The following CNBD1 variants were observed in gnomAD, a reference collection of about 807,000 sequenced individuals.
The protein encoded by CNBD1 is cyclic nucleotide-binding domain-containing protein 1.
A neutral mutation model predicts 54.4 loss-of-function variants in CNBD1; 71 were observed. That is an observed-to-expected ratio of 1.30 (90% CI 1.08 to 1.59). The LOEUF is 1.59. Among genes scored for constraint, CNBD1 ranks in the 40% most tolerant of loss-of-function variants. CNBD1 has a pLI of 0.00. For missense variants in CNBD1, 659 were observed against 518.0 expected (o/e 1.27, Z -2.64); for synonymous variants, 182 against 170.7 (o/e 1.07, Z -0.51).
intron 4 of CNBD1, among the ~76,000 whole-genome samples, chr8:87,064,588 G>T (rs1178690469): frequency 6.6e-6 from 1 of 151,500 alleles, no homozygotes; most frequent in Non-Finnish European, 1.5e-5. Context: ...TTTGACCTTT[G>T]TTTCTAGTCA....
chr8:87,348,642 T>C (rs1563563873), intron 8 of CNBD1, among the ~76,000 whole-genome samples: 1 of 152,184 alleles, frequency 6.6e-6, no homozygotes, highest in Non-Finnish European at 1.5e-5. Context: ...TGTTTTGGTA[T>C]GTTAGACTAG....
intron 3 of CNBD1, among the ~76,000 whole-genome samples, chr8:86,917,849 T>C (rs1809212063): frequency 6.6e-6 from 1 of 152,162 alleles, no homozygotes; most frequent in Non-Finnish European, 1.5e-5. Flanking sequence ...CAGAAAATTG[T>C]TAAAACAGCC....
At chr8:86,904,054 T>G (rs950505273) in intron 2 of CNBD1, among the ~76,000 whole-genome samples, 5 of 152,026 alleles carry the variant, frequency 3.3e-5, no homozygotes, top group African/African-American at 4.8e-5. Context: ...TCTATAGAAT[T>G]TGTCTTGTGT....
chr8:87,262,735 T>G (rs1808168419), intron 6 of CNBD1, among the ~76,000 whole-genome samples: 1 of 152,166 alleles, frequency 6.6e-6, no homozygotes, highest in African/African-American at 2.4e-5. Context: ...TATGAAAATT[T>G]ACCGCTTAGG....
intron 8 of CNBD1, among the ~76,000 whole-genome samples, chr8:87,341,297 A>G (rs112676533): frequency 0.02 from 3,074 of 152,152 alleles, 100 homozygotes; most frequent in African/African-American, 0.067. Context: ...GCTGGGTCTC[A>G]TCAGTGCTCT....
chr8:86,970,787 T>C (rs985618330), intron 4 of CNBD1, among the ~76,000 whole-genome samples: 1 of 152,228 alleles, frequency 6.6e-6, no homozygotes, highest in African/African-American at 2.4e-5. Context: ...GGACATGGTT[T>C]CATTCTTTTT....
Position 87,271,780 on chromosome 8 carries a change from AGT to A in CNBD1, c.772-12897_772-12896del, listed in dbSNP as rs1488311297. ...GTATTTACCTAAAAGAAAATAAATT[AGT>A]ATATCAAAGGGATATCCACACTCCT... On this transcript the variant is annotated intron_variant, in intron 6 of 10. Transcript: ENST00000518476. 8.2e-3 allele frequency among the ~76,000 whole-genome samples: 1,242 copies of A among 152,128 alleles called. 29 individuals are homozygous for A. Among genetic ancestry groups the A allele is most frequent in the African/African-American group, 0.028 (1,172 of 41,536 alleles).
At chr8:86,969,780 T>TTA (rs532815249) in intron 4 of CNBD1, among the ~76,000 whole-genome samples, 6,858 of 145,222 alleles carry the variant, frequency 0.047, 207 homozygotes, top group African/African-American at 0.076. Flanking sequence ...GACTAGTGTT[T>TTA]TATATATATA....
rs908632390 is a variant in CNBD1, at chr8:87,166,287, A to G, written c.432-39706A>G. ...GTAAGTCTTTTCAGGTCCATCTCCA[A>G]TATATATCTTGGATCTGTCTGCTTG... is the stretch of plus-strand genomic sequence containing the variant. On this transcript the variant is annotated intron_variant, in intron 4 of 10. Transcript: ENST00000518476. The surrounding 1 kb of genome is among the most constrained non-coding windows in gnomAD (Gnocchi z 4.3). 2.0e-5 allele frequency among the ~76,000 whole-genome samples: 3 copies of G among 151,702 alleles called. No homozygotes were observed. Among genetic ancestry groups the G allele is most frequent in the Admixed American group, 1.3e-4 (2 of 15,160 alleles).
intron 8 of CNBD1, among the ~76,000 whole-genome samples, chr8:87,319,875 T>C (rs548339749): frequency 9.2e-5 from 14 of 152,214 alleles, no homozygotes; most frequent in Admixed American, 2.0e-4. Flanking sequence ...ACATAATTTA[T>C]TTGATACCCT....
chr8:87,208,874 T>C (rs1383740185), intron 5 of CNBD1, among the ~76,000 whole-genome samples: 1 of 152,090 alleles, frequency 6.6e-6, no homozygotes, highest in Admixed American at 6.6e-5. Flanking sequence ...TTAAATTGTA[T>C]ATTTACTTTT....
chr8:87,276,976 A>AT (rs1554575328), intron 6 of CNBD1, among the ~76,000 whole-genome samples: 1 of 145,480 alleles, frequency 6.9e-6, no homozygotes, highest in Non-Finnish European at 1.5e-5. Flanking sequence ...AGCTTGAATA[A>AT]TTATTTTTTT....
chr8:87,385,066 T>G, downstream of CNBD1, among the ~76,000 whole-genome samples: 1 of 152,108 alleles, frequency 6.6e-6, no homozygotes, highest in East Asian at 1.9e-4. Context: ...CAAAATAGAT[T>G]TGGGGGACAA....
intron 4 of CNBD1, among the ~76,000 whole-genome samples, chr8:87,023,062 C>T (rs1457954043): frequency 7.0e-6 from 1 of 143,410 alleles, no homozygotes. Flanking sequence ...TCTCAGTGTC[C>T]AGCTCCTAAC....
At chr8:87,391,697 G>C (rs1461784580) in intron 2 of CNBD1, among the ~76,000 whole-genome samples, 11 of 152,040 alleles carry the variant, frequency 7.2e-5, no homozygotes, top group African/African-American at 2.7e-4. Context: ...ATGGGTCGTA[G>C]AGATCATAGA....
At chr8:87,103,858 C>G (rs554416387) in intron 4 of CNBD1, among the ~76,000 whole-genome samples, 27 of 152,144 alleles carry the variant, frequency 1.8e-4, no homozygotes, top group African/African-American at 6.5e-4. Context: ...GTATGATGAC[C>G]CTGAAGTCAC....
intron 4 of CNBD1, among the ~76,000 whole-genome samples, chr8:87,102,435 G>A (rs1246248356): frequency 3.4e-4 from 52 of 152,118 alleles, no homozygotes; most frequent in Admixed American, 3.3e-3. Flanking sequence ...GGTTTTAGAA[G>A]GCCATTGTAA....
At chr8:86,940,785 TAGC>T (rs1809641738) in intron 4 of CNBD1, among the ~76,000 whole-genome samples, 2 of 152,142 alleles carry the variant, frequency 1.3e-5, no homozygotes, top group Non-Finnish European at 2.9e-5. Context: ...AAAAAATCAA[TAGC>T]AGGGAATGAG....
chr8:87,185,342 A>T (rs938321585), intron 4 of CNBD1, among the ~76,000 whole-genome samples: 2 of 152,116 alleles, frequency 1.3e-5, no homozygotes, highest in Non-Finnish European at 2.9e-5. Flanking sequence ...CAGTTTTATT[A>T]GTATTTACTT....
Sources: gnomAD v4.1 joint callset for allele counts (sites outside exome capture counted in the v4.1 genomes callset) on GRCh38, gnomAD v4.1.1 for gene constraint, Gnocchi (gnomAD v3.1) non-coding constraint, MANE v1.5 for transcripts, NCBI Gene and HGNC (gene_info 2026-07-23, HGNC 2026-07-21) for gene names.